SEM1: variants seen among roughly 807,000 people sequenced by gnomAD.
SEM1 encodes the protein 26S proteasome complex subunit SEM1.
SEM1 carries 3 observed loss-of-function variants against 12.7 expected under a neutral mutation model. The ratio of observed to expected loss-of-function variants is 0.24; its 90% CI spans 0.11 to 0.61. The LOEUF (loss-of-function observed/expected upper bound fraction) is 0.61. Among genes scored for constraint, SEM1 ranks in the 20% least tolerant of loss-of-function variants. The probability of loss-of-function intolerance (pLI) is 0.88; values close to 1 mark genes in which losing one functional copy is unlikely to be tolerated. For missense variants in SEM1, 59 were observed against 81.3 expected (o/e 0.73, Z 1.06); for synonymous variants, 30 against 27.8 (o/e 1.08, Z -0.25).
intron 2 of SEM1, among the ~76,000 whole-genome samples, chr7:96,574,263 A>C (rs529268761): frequency 1.3e-5 from 2 of 152,062 alleles, no homozygotes; most frequent in Non-Finnish European, 2.9e-5. Context: ...AAGGACATGA[A>C]CTCATCATTT....
chr7:96,540,124 A>G (rs936285544), intron 2 of SEM1, among the ~76,000 whole-genome samples: 3 of 151,594 alleles, frequency 2.0e-5, no homozygotes, highest in Non-Finnish European at 3.0e-5. Context: ...AAACAGTAGC[A>G]CTAGCACAGA....
intron 2 of SEM1, among the ~76,000 whole-genome samples, chr7:96,566,409 G>A (rs145406319): frequency 1.5e-4 from 23 of 151,346 alleles, no homozygotes; most frequent in African/African-American, 5.1e-4. Flanking sequence ...TCATTTAATT[G>A]AACTTTAATT....
At chr7:96,661,999 A>G (rs1394695401) in intron 2 of SEM1, among the ~76,000 whole-genome samples, 1 of 146,904 alleles carries the variant, frequency 6.8e-6, no homozygotes, top group Non-Finnish European at 1.5e-5. Flanking sequence ...AAAAAAAAAA[A>G]AAAAAAAAAA....
chr7:96,692,909 T>C (rs974410997), intron 2 of SEM1, among the ~76,000 whole-genome samples: 1 of 151,968 alleles, frequency 6.6e-6, no homozygotes, highest in Admixed American at 6.6e-5. Context: ...CATCTCAGGG[T>C]ACTAGAAGAA....
chr7:96,542,479 C>T (rs891712650), intron 2 of SEM1, among the ~76,000 whole-genome samples: 14 of 151,806 alleles, frequency 9.2e-5, no homozygotes, highest in Non-Finnish European at 1.6e-4. Context: ...AGTCTTTTAT[C>T]AGCTCTTGCA....
intron 2 of SEM1, among the ~76,000 whole-genome samples, chr7:96,681,039 C>A (rs147861686): frequency 1.3e-5 from 2 of 152,096 alleles, no homozygotes; most frequent in African/African-American, 4.8e-5. Context: ...TCCCAGGGAA[C>A]AACTGGTGCA....
At chr7:96,657,947 G>A (rs1026714593) in intron 2 of SEM1, among the ~76,000 whole-genome samples, 5 of 152,148 alleles carry the variant, frequency 3.3e-5, no homozygotes, top group Admixed American at 1.3e-4. Context: ...GTCATGGACC[G>A]GCAGGACTGA....
chr7:96,508,665 G>A (rs150750067), intron 2 of SEM1, among the ~76,000 whole-genome samples: 13 of 152,078 alleles, frequency 8.5e-5, no homozygotes, highest in Non-Finnish European at 8.8e-5. Flanking sequence ...ACTGTCAATA[G>A]GACTGCATCC....
chr7:96,559,744 A>G (rs753033268), intron 2 of SEM1, among the ~76,000 whole-genome samples: 75 of 152,238 alleles, frequency 4.9e-4, no homozygotes, highest in Non-Finnish European at 9.0e-4. Flanking sequence ...AGAGAAGGAT[A>G]CACAACCTAG....
intron 1 of SEM1, among the ~76,000 whole-genome samples, chr7:96,488,386 C>G (rs959535090): frequency 1.3e-5 from 2 of 152,106 alleles, no homozygotes; most frequent in Non-Finnish European, 2.9e-5. Flanking sequence ...GTTTCTAAAT[C>G]TAGAGCGAGT....
At chr7:96,595,355 CT>C (rs1391667404) in intron 2 of SEM1, among the ~76,000 whole-genome samples, 7 of 151,906 alleles carry the variant, frequency 4.6e-5, no homozygotes, top group Non-Finnish European at 8.8e-5. Flanking sequence ...TCTACAAAAA[CT>C]TAAAAAACTG....
chr7:96,708,811 A>T lies in SEM1; in HGVS notation c.76+877T>A, dbSNP rs150112161. Among the ~76,000 whole-genome samples, 690 of 152,322 alleles carry T rather than the reference A, an allele frequency of 4.5e-3. 2 individuals are homozygous for T. Among genetic ancestry groups the T allele is most frequent in the Admixed American group, 8.7e-3 (133 of 15,304 alleles). ...ATGGCAATACTGAGGCCTACTTCTT[A>T]TATTTATGAAAGTGGAATATGCTAT... On this transcript the variant is annotated intron_variant, in intron 1 of 2. Transcript: ENST00000248566.
chr7:96,624,549 A>T (rs1807998455), intron 2 of SEM1, among the ~76,000 whole-genome samples: 1 of 152,174 alleles, frequency 6.6e-6, no homozygotes, highest in Non-Finnish European at 1.5e-5. Flanking sequence ...TAATAATAAT[A>T]CTAAATTCAG....
intron 2 of SEM1, among the ~76,000 whole-genome samples, chr7:96,623,291 C>CTTTA (rs1283421580): frequency 6.6e-6 from 1 of 152,036 alleles, no homozygotes; most frequent in Non-Finnish European, 1.5e-5. Flanking sequence ...CTGATTCAGG[C>CTTTA]TAAACCACAC....
In SEM1 at chr7:96,594,021, T is replaced by G. The variant is rs551950491; in HGVS notation, c.171-87323A>C. On this transcript the variant is annotated intron_variant and NMD_transcript_variant, in intron 2 of 3. Coordinates refer to the SEM1 transcript ENST00000466986. ...ACAATTTTCAAATCAATAGATATAGTATTAGGGAACATTTTAAGATGTTGC... is the reference window on the plus strand; with the variant it reads ...ACAATTTTCAAATCAATAGATATAGGATTAGGGAACATTTTAAGATGTTGC... 1.9e-4 allele frequency among the ~76,000 whole-genome samples: 29 copies of G among 152,236 alleles called. No homozygotes were observed. In the South Asian group the frequency reaches 5.4e-3, roughly 28 times the overall value.
intron 2 of SEM1, among the ~76,000 whole-genome samples, chr7:96,637,892 T>G (rs1223045782): frequency 6.6e-6 from 1 of 151,990 alleles, no homozygotes; most frequent in African/African-American, 2.4e-5. Flanking sequence ...ATTTTTTCAC[T>G]GACTCAACAG....
chr7:96,633,969 T>C (rs1808351029), intron 2 of SEM1, among the ~76,000 whole-genome samples: 1 of 152,194 alleles, frequency 6.6e-6, no homozygotes, highest in Non-Finnish European at 1.5e-5. Context: ...GGACGAGTAT[T>C]AATTTTCCTA....
chr7:96,535,665 G>C (rs1584745112), intron 2 of SEM1, among the ~76,000 whole-genome samples: 1 of 151,740 alleles, frequency 6.6e-6, no homozygotes, highest in South Asian at 2.1e-4. Context: ...TTCTGTCCAT[G>C]TGTTCTCCTT....
chr7:96,683,927 G>C (rs1177874182), downstream of SEM1, among the ~76,000 whole-genome samples: 2 of 152,030 alleles, frequency 1.3e-5, no homozygotes, highest in African/African-American at 4.8e-5. Flanking sequence ...ACCTAATGTA[G>C]ATGATGGGTT....
Sources: allele counts gnomAD v4.1 joint callset (sites outside exome capture counted in the v4.1 genomes callset), GRCh38; gene constraint gnomAD v4.1.1; transcripts MANE v1.5; gene names NCBI Gene and HGNC (gene_info 2026-07-23, HGNC 2026-07-21).